The following CNGA3 variants were observed in gnomAD, a reference collection of about 807,000 sequenced individuals.
The protein encoded by CNGA3 is cyclic nucleotide gated channel subunit alpha 3, also known as cyclic nucleotide-gated channel alpha-3.
CNGA3 carries 42 observed loss-of-function variants against 46.6 expected under a neutral mutation model. The observed-to-expected ratio is 0.90, with a 90% CI of 0.70 to 1.17. The LOEUF is 1.17. Among genes scored for constraint, CNGA3 ranks in the 50% most tolerant of loss-of-function variants. The pLI is 0.00. For synonymous variants in CNGA3, 394 were observed against 369.4 expected, an observed-to-expected ratio of 1.07 and a Z score of -0.76; for missense variants, 893 against 890.7, an observed-to-expected ratio of 1.00 and a Z score of -0.03.
intron 4 of CNGA3, among the ~76,000 whole-genome samples, chr2:98,380,977 C>T (rs1282388182): frequency 6.6e-6 from 1 of 152,116 alleles, no homozygotes; most frequent in African/African-American, 2.4e-5. Flanking sequence ...ATCTGCAGAA[C>T]TGGGGCCTCT....
chr2:98,348,555 C>G (rs1011011201), intron 1 of CNGA3, among the ~76,000 whole-genome samples: 2 of 152,170 alleles, frequency 1.3e-5, no homozygotes, highest in African/African-American at 4.8e-5. Flanking sequence ...TTCTCCGTCC[C>G]GCCCTCCCCT....
intron 1 of CNGA3, among the ~76,000 whole-genome samples, chr2:98,355,589 A>G (rs1012672296): frequency 3.3e-5 from 5 of 152,226 alleles, no homozygotes; most frequent in African/African-American, 4.8e-5. Flanking sequence ...TAAAACTCTT[A>G]TATAAAGATA....
intron 5 of CNGA3, among the ~76,000 whole-genome samples, chr2:98,384,161 T>TA (rs1692602326): frequency 6.6e-6 from 1 of 152,180 alleles, no homozygotes; most frequent in South Asian, 2.1e-4. Context: ...GTGCTAGGAT[T>TA]ACAGGCATGA....
rs945336164 is a variant in CNGA3, at chr2:98,398,591, A to G, written c.*1336A>G. 5 of 152,276 alleles carry G rather than the reference A, an allele frequency of 3.3e-5. No individual in the cohort carries two copies. Among genetic ancestry groups the G allele is most frequent in the African/African-American group, 1.2e-4 (5 of 41,554 alleles). 9.4% of individuals were successfully genotyped at this position (152,276 alleles called of 1,614,324 possible). A position where few individuals can be genotyped will look rare whatever the true frequency, so the allele number is the denominator to read the frequency against. On this transcript the variant is annotated 3_prime_UTR_variant, in exon 8 of 8. Transcript: ENST00000272602. ...TTGCACAGGAAAAATAAAGACCTGG[A>G]TTTAAAAATAGGAATGACTCTTGCT... is the stretch of plus-strand genomic sequence containing the variant.
Position 98,377,704 on chromosome 2 carries a change from A to G in CNGA3, c.119A>G (p.Glu40Gly). The stretch of plus-strand genomic sequence containing the variant: ...TTTCCTAGAGCCCACTCGTCAAGTG[A>G]GGAGACATCGTCAGTGCTGCAGCCG... ...NGLSRAHSSS[E>G]ETSSVLQPGI... The change falls in exon 3 of 8, where the codon GAG becomes GGG. Residue 40 changes from glutamate to glycine, a missense_variant. Physicochemically the swap from Glu to Gly is moderately conservative, Grantham distance 98 (BLOSUM62 -2). Coordinates refer to ENST00000272602, the MANE Select transcript of CNGA3 (RefSeq NM_001298.3). 6.2e-7 allele frequency: 1 copy of G among 1,613,382 alleles called. No homozygotes were observed. Among genetic ancestry groups the G allele is most frequent in the Admixed American group, 1.7e-5 (1 of 60,010 alleles).
At chr2:98,370,660 C>G (rs1399551105) in intron 2 of CNGA3, among the ~76,000 whole-genome samples, 2 of 152,212 alleles carry the variant, frequency 1.3e-5, no homozygotes, top group African/African-American at 4.8e-5. Context: ...ACTTCTAACC[C>G]TCTTCCTAAC....
Position 98,397,151 on chromosome 2 carries a change from C to T in CNGA3, c.1981C>T (p.Arg661Cys), listed in dbSNP as rs183838250. The change falls in exon 8 of 8, where the codon CGT becomes TGT. Residue 661 changes from arginine to cysteine, a missense_variant. Arg to Cys is a radical substitution (Grantham distance 180, BLOSUM62 -3). This residue lies in a region of CNGA3 where 548 missense variants were observed against 570.8 expected (regional missense o/e 0.96). Transcript: ENST00000272602. ...CGCCACCCAGATGAAGATGAAGCAG[C>T]GTCTCAGCCAACTGGAAAGCCAGGT... is the stretch of plus-strand genomic sequence containing the variant. Reference protein sequence around the residue: ...YNATQMKMKQRLSQLESQVKG... With the variant: ...YNATQMKMKQCLSQLESQVKG... The T allele has an allele frequency of 1.9e-6, 3 of 1,614,112 alleles. No individual in the cohort carries two copies. Among genetic ancestry groups the T allele is most frequent in the Non-Finnish European group, 2.5e-6 (3 of 1,179,998 alleles).
At chr2:98,393,258 A>G (rs1692832936) in intron 7 of CNGA3, among the ~76,000 whole-genome samples, 1 of 152,158 alleles carries the variant, frequency 6.6e-6, no homozygotes, top group Non-Finnish European at 1.5e-5. Context: ...AAATAATGCT[A>G]TGCCATAGCT....
intron 1 of CNGA3, among the ~76,000 whole-genome samples, chr2:98,355,010 T>C (rs1691847537): frequency 6.6e-6 from 1 of 152,230 alleles, no homozygotes; most frequent in Non-Finnish European, 1.5e-5. Context: ...TAAATTATTT[T>C]CACCATGAAA....
At chr2:98,394,446 A>C (rs112829293) in intron 7 of CNGA3, among the ~76,000 whole-genome samples, 2 of 152,174 alleles carry the variant, frequency 1.3e-5, no homozygotes, top group Non-Finnish European at 2.9e-5. Context: ...GGTGAAATCA[A>C]TTTGGGAGGC....
At chr2:98,358,260 C>T (rs1184301316) in intron 1 of CNGA3, among the ~76,000 whole-genome samples, 1 of 152,160 alleles carries the variant, frequency 6.6e-6, no homozygotes, top group Admixed American at 6.5e-5. Flanking sequence ...TCGGCCTTTC[C>T]TATAGGAATT....
rs774592976 is a variant in CNGA3, at chr2:98,377,812, G to C, written c.215+12G>C. On this transcript the variant is annotated intron_variant, in intron 3 of 7. Transcript: ENST00000272602. Reference sequence around the variant, plus strand: ...CAGGGGATCGCCAGGTAACTGACCAGCCTCAGTCCCTACCTTGGCCTGGGG... The same window carrying C: ...CAGGGGATCGCCAGGTAACTGACCACCCTCAGTCCCTACCTTGGCCTGGGG... 3 of 1,605,160 alleles carry C rather than the reference G, an allele frequency of 1.9e-6. No homozygotes were observed. The South Asian group carries it at 3.4e-5, about 18-fold the overall frequency.
intron 1 of CNGA3, among the ~76,000 whole-genome samples, chr2:98,350,629 C>T (rs1424049237): frequency 6.6e-6 from 1 of 152,204 alleles, no homozygotes; most frequent in African/African-American, 2.4e-5. Flanking sequence ...AATTCTGAAT[C>T]ATCTCTGCAG....
chr2:98,368,526 G>A (rs574793734), intron 1 of CNGA3, among the ~76,000 whole-genome samples: 15 of 152,280 alleles, frequency 9.9e-5, no homozygotes, highest in African/African-American at 1.4e-4. Flanking sequence ...AATCACAGGG[G>A]CACCTTCCAA....
chr2:98,378,868 G>C (rs528145645), intron 3 of CNGA3, among the ~76,000 whole-genome samples: 1 of 152,300 alleles, frequency 6.6e-6, no homozygotes, highest in East Asian at 1.9e-4. Flanking sequence ...GAGTTTCATG[G>C]TCTTTGTGCT....
At chr2:98,354,705 A>G (rs1391645726) in intron 1 of CNGA3, among the ~76,000 whole-genome samples, 1 of 152,186 alleles carries the variant, frequency 6.6e-6, no homozygotes, top group Non-Finnish European at 1.5e-5. Context: ...GGCTGGCTTG[A>G]GCCCAGGAGG....
intron 7 of CNGA3, among the ~76,000 whole-genome samples, chr2:98,392,588 A>AGAAAT (rs1692817726): frequency 6.6e-6 from 1 of 150,702 alleles, no homozygotes; most frequent in African/African-American, 2.5e-5. Context: ...AGAAAAGAAA[A>AGAAAT]GAAAAGAAAA....
chr2:98,355,404 TAA>T (rs1359510951), intron 1 of CNGA3, among the ~76,000 whole-genome samples: 8 of 152,202 alleles, frequency 5.3e-5, no homozygotes, highest in Non-Finnish European at 1.0e-4. Context: ...ACATAAAATA[TAA>T]GAGGACCCTC....
At chr2:98,375,650 G>A (rs2055593) in intron 2 of CNGA3, among the ~76,000 whole-genome samples, 45,964 of 152,106 alleles carry the variant, frequency 0.3, 7,511 homozygotes, top group Admixed American at 0.41. Context: ...ATTCAATCAG[G>A]TGGTTTGAAA....
Sources: gnomAD v4.1 joint callset for allele counts (sites outside exome capture counted in the v4.1 genomes callset) on GRCh38, gnomAD v4.1.1 for gene constraint, gnomAD v4.1.1 regional missense constraint, MANE v1.5 for transcripts, NCBI Gene and HGNC (gene_info 2026-07-23, HGNC 2026-07-21) for gene names.